The following ARHGAP29 variants were observed in gnomAD, a reference collection of about 807,000 sequenced individuals.
The protein encoded by ARHGAP29 is rho GTPase-activating protein 29.
In ARHGAP29, 43 loss-of-function variants were observed where a neutral mutation model predicts 122.6. The ratio of observed to expected loss-of-function variants is 0.35; its 90% CI spans 0.27 to 0.45. The LOEUF is 0.45. ARHGAP29 is among the 20% of genes least tolerant of loss of function. The pLI is 1.00. For synonymous variants in ARHGAP29, 506 were observed against 497.1 expected (o/e 1.02, Z -0.24); for missense variants, 1,303 against 1,477.2 (o/e 0.88, Z 1.93).
chr1:94,173,780 G>A lies in ARHGAP29; in HGVS notation c.*89C>T. ...CATGATTTGGCAGTCCTATACAAAA[G>A]AGGCCCTGTCAAAACATTCTTTCAC... is the stretch of plus-strand genomic sequence containing the variant. On this transcript the variant is annotated 3_prime_UTR_variant, in exon 23 of 23. Transcript: ENST00000260526. 1 of 1,468,192 alleles carries A rather than the reference G, an allele frequency of 6.8e-7. No individual in the cohort carries two copies. Among genetic ancestry groups the A allele is most frequent in the South Asian group, 1.4e-5 (1 of 73,132 alleles). 90.9% of individuals were successfully genotyped at this position (1,468,192 alleles called of 1,614,324 possible).
At chr1:94,233,113 T>TA (rs907922794) in intron 1 of ARHGAP29, among the ~76,000 whole-genome samples, 8 of 149,822 alleles carry the variant, frequency 5.3e-5, no homozygotes, top group African/African-American at 7.3e-5. Context: ...CCTAGCTAGC[T>TA]AAAAAAAAAA....
chr1:94,217,696 A>ATT (rs1216188732), intron 3 of ARHGAP29, among the ~76,000 whole-genome samples: 5 of 152,102 alleles, frequency 3.3e-5, no homozygotes, highest in Non-Finnish European at 7.4e-5. Flanking sequence ...GAAATTTAAA[A>ATT]ATCAGCTGGG....
the ARHGAP29 span, among the ~76,000 whole-genome samples, chr1:94,308,163 A>T: frequency 6.6e-6 from 1 of 152,216 alleles, no homozygotes; most frequent in Non-Finnish European, 1.5e-5. Context: ...TTAATCATCA[A>T]TACTTAATAA....
At chr1:94,259,860 A>G (rs971416273) in intron 1 of ARHGAP29, among the ~76,000 whole-genome samples, 3 of 152,232 alleles carry the variant, frequency 2.0e-5, no homozygotes, top group Non-Finnish European at 4.4e-5. Flanking sequence ...TGGAACAGGA[A>G]TCTGTGTTGG....
intron 2 of ARHGAP29, among the ~76,000 whole-genome samples, chr1:94,228,597 A>T (rs1479347022): frequency 6.6e-6 from 1 of 151,838 alleles, no homozygotes; most frequent in African/African-American, 2.4e-5. Context: ...TGATGAAATC[A>T]AAAGTTATAC....
chr1:94,250,474 T>C (rs1023926028), intron 1 of ARHGAP29: 1 of 152,230 alleles, frequency 6.6e-6, no homozygotes, highest in African/African-American at 2.4e-5. Context: ...TTGGACTCCC[T>C]GGACTGCGGC....
chr1:94,272,944 G>A (rs1655046553), intron 1 of ARHGAP29, among the ~76,000 whole-genome samples: 1 of 152,188 alleles, frequency 6.6e-6, no homozygotes, highest in Admixed American at 6.5e-5. Context: ...TATCTTCAAT[G>A]TAGACAGATT....
intron 20 of ARHGAP29, among the ~76,000 whole-genome samples, chr1:94,178,868 A>G (rs879527563): frequency 6.6e-6 from 1 of 152,074 alleles, no homozygotes; most frequent in Non-Finnish European, 1.5e-5. Flanking sequence ...ATTCACTTAT[A>G]TTTCTCAGAT....
intron 8 of ARHGAP29, among the ~76,000 whole-genome samples, chr1:94,203,721 T>G (rs910441587): frequency 7.2e-5 from 11 of 151,924 alleles, no homozygotes; most frequent in African/African-American, 2.7e-4. Context: ...GGTTACAGAG[T>G]GAGACCCTGT....
chr1:94,226,916 A>T (rs971227867), intron 2 of ARHGAP29, among the ~76,000 whole-genome samples: 7 of 151,918 alleles, frequency 4.6e-5, no homozygotes, highest in African/African-American at 1.7e-4. Context: ...TATTTCACAA[A>T]ATTTCTGGCA....
intron 1 of ARHGAP29, 72 bp downstream of exon 1, chr1:94,237,343 G>T: frequency 2.1e-6 from 2 of 959,064 alleles, no homozygotes; most frequent in Non-Finnish European, 2.5e-6. Flanking sequence ...ATTCGCGGGC[G>T]CTCGCGCGGG....
At chr1:94,207,151 G>T (rs1427074974) in intron 5 of ARHGAP29, among the ~76,000 whole-genome samples, 1 of 151,658 alleles carries the variant, frequency 6.6e-6, no homozygotes, top group Non-Finnish European at 1.5e-5. Flanking sequence ...TGGGACTACA[G>T]ATGCACATCA....
intron 20 of ARHGAP29, 65 bp from the exon 21 acceptor site, chr1:94,178,232 C>A: frequency 6.8e-7 from 1 of 1,480,236 alleles, no homozygotes; most frequent in Non-Finnish European, 9.1e-7. Flanking sequence ...CTGTAGTTTA[C>A]TATGGAATAG....
intron 3 of ARHGAP29, among the ~76,000 whole-genome samples, chr1:94,215,104 G>GAAAAAAAAAAAAAAAAAAAAAAA (rs199693229): frequency 2.4e-5 from 2 of 83,650 alleles, no homozygotes; most frequent in Non-Finnish European, 5.5e-5. Flanking sequence ...GCATGAAAAG[G>GAAAAAAAAAAAAAAAAAAAAAAA]AAAAAAAAAA....
chr1:94,272,197 A>G (rs1055411772), intron 1 of ARHGAP29, among the ~76,000 whole-genome samples: 11 of 152,224 alleles, frequency 7.2e-5, no homozygotes, highest in African/African-American at 2.2e-4. Context: ...GTTGAGGGTA[A>G]GAGAGACTTA....
At chr1:94,302,366 C>A in the ARHGAP29 span, 11 of 317,936 alleles carry the variant, frequency 3.5e-5, no homozygotes, top group South Asian at 2.4e-4. Context: ...GAGGGTGGAG[C>A]CAAAAGGGTC....
the ARHGAP29 span, among the ~76,000 whole-genome samples, chr1:94,304,787 C>T: frequency 6.6e-6 from 1 of 152,150 alleles, no homozygotes; most frequent in African/African-American, 2.4e-5. Flanking sequence ...TTAAGAAAAG[C>T]ATGTATTATT....
chr1:94,279,983 C>G (rs1184688800), upstream of ARHGAP29, among the ~76,000 whole-genome samples: 1 of 117,004 alleles, frequency 8.5e-6, no homozygotes, highest in Non-Finnish European at 1.8e-5. Flanking sequence ...ATTTCCCCAA[C>G]TCCAGAGCAA....
intron 2 of ARHGAP29, among the ~76,000 whole-genome samples, chr1:94,226,332 GCT>G (rs1652610961): frequency 6.6e-6 from 1 of 151,920 alleles, no homozygotes; most frequent in African/African-American, 2.4e-5. Context: ...ATTTGAAAAT[GCT>G]TATTCTAAGA....
Sources: allele counts gnomAD v4.1 joint callset (sites outside exome capture counted in the v4.1 genomes callset), GRCh38; gene constraint gnomAD v4.1.1; transcripts MANE v1.5; gene names NCBI Gene and HGNC (gene_info 2026-07-23, HGNC 2026-07-21).